Variants in C17orf50 observed in about 807,000 individuals in gnomAD.
The protein encoded by C17orf50 is uncharacterized protein C17orf50.
A neutral mutation model predicts 17.7 loss-of-function variants in C17orf50; 16 were observed. The ratio of observed to expected loss-of-function variants is 0.90; its 90% CI spans 0.61 to 1.37. C17orf50 has a LOEUF of 1.37. Among genes scored for constraint, C17orf50 ranks in the 40% most tolerant of loss-of-function variants. The probability of loss-of-function intolerance (pLI) is 0.00; values close to 1 mark genes in which losing one functional copy is unlikely to be tolerated. For synonymous variants in C17orf50, 125 were observed against 111.0 expected (o/e 1.13, Z -0.80); for missense variants, 271 against 240.7 (o/e 1.13, Z -0.83).
Position 35,760,958 on chromosome 17 carries a change from A to G in C17orf50, c.13+4A>G. The G allele has an allele frequency of 6.2e-7, 1 of 1,613,312 alleles. No individual in the cohort carries two copies. ...TTGGGAAGAATGGATAAGCATGGTGAGTGGGGCTGGAGGCAGGGTGGGGCT... is the reference window on the plus strand; with the variant it reads ...TTGGGAAGAATGGATAAGCATGGTGGGTGGGGCTGGAGGCAGGGTGGGGCT... On this transcript the variant is annotated splice_donor_region_variant and intron_variant, in intron 1 of 2. Transcript: ENST00000605587.
intron 2 of C17orf50, 46 bp from the exon 3 acceptor site, chr17:35,764,380 G>C (rs782498391): frequency 6.8e-7 from 1 of 1,466,102 alleles, no homozygotes; most frequent in Non-Finnish European, 9.0e-7. Context: ...GGGCCCCAGG[G>C]AGGAGGGGCT....
rs892978386 is a variant in C17orf50, at chr17:35,764,343, G to T, written c.332+18G>T. The T allele has an allele frequency of 1.2e-5, 17 of 1,461,284 alleles. No individual in the cohort carries two copies. The highest frequency in any genetic ancestry group is 1.5e-5 in the Non-Finnish European group (17 of 1,113,006). The allele number at this position is 1,461,284 out of a possible 1,614,324, so 90.5% of individuals were successfully genotyped here. ...ACCGACAGGTGCCTGCGCGCTCCTC[G>T]ACCGGGGCACGAGGGAGGCGGTGCC... On this transcript the variant is annotated intron_variant, in intron 2 of 2. Transcript: ENST00000605587.
At position 35,764,635 on chromosome 17, in the gene C17orf50, C is replaced by A. The variant is rs1198318363; in HGVS notation, c.*17C>A. The A allele has an allele frequency of 3.2e-6, 5 of 1,552,562 alleles. No individual in the cohort carries two copies. The highest frequency in any genetic ancestry group is 1.7e-6 in the Non-Finnish European group (2 of 1,158,806). ...AACTCCTGAGCGCCCCCGCTCCCAG[C>A]CTTTGTGCCCTCCATCATTTCCTGG... On this transcript the variant is annotated 3_prime_UTR_variant, in exon 3 of 3. Coordinates refer to ENST00000605587, the MANE Select transcript of C17orf50 (RefSeq NM_145272.4).
At position 35,764,491 on chromosome 17, in the gene C17orf50, G is replaced by A; in HGVS notation, c.398G>A (p.Gly133Asp). ...CGGCGACGACCGCCGCGCCGCGGGG[G>A]CTGTGCTTGCTGCGAGCTCCTCTTC... ...EIRRRPPRRG[G>D]CACCELLFCK... Residue 133 changes from glycine (G) to aspartate (D), a missense_variant, in exon 3 of 3, where the codon GGC becomes GAC. Physicochemically the swap from Gly to Asp is moderately conservative, Grantham distance 94 (BLOSUM62 -1). Coordinates refer to ENST00000605587, the MANE Select transcript of C17orf50 (RefSeq NM_145272.4). 1.3e-6 allele frequency: 2 copies of A among 1,578,904 alleles called. No individual in the cohort carries two copies. Among genetic ancestry groups the A allele is most frequent in the Admixed American group, 1.8e-5 (1 of 56,276 alleles).
At chr17:35,764,394 C>G (rs1555602272) in intron 2 of C17orf50, 32 bp from the exon 3 acceptor site, 1 of 1,502,446 alleles carries the variant, frequency 6.7e-7, no homozygotes, top group Admixed American at 2.2e-5. Context: ...AGGGGCTGCC[C>G]CAGGCACTGA....
intron 1 of C17orf50, among the ~76,000 whole-genome samples, chr17:35,762,865 T>C (rs587640373): frequency 3.9e-4 from 60 of 151,968 alleles, no homozygotes; most frequent in Admixed American, 1.6e-3. Flanking sequence ...GTGGCTCACG[T>C]CTGTAATCCT....
Position 35,764,271 on chromosome 17 carries a change from G to C in C17orf50, c.278G>C (p.Trp93Ser), listed in dbSNP as rs1555602207. The C allele has an allele frequency of 6.5e-7, 1 of 1,537,250 alleles. No individual in the cohort carries two copies. Among genetic ancestry groups the C allele is most frequent in the African/African-American group, 1.4e-5 (1 of 72,106 alleles). The change falls in exon 2 of 3, where the codon TGG becomes TCG. Residue 93 changes from tryptophan (W) to serine (S), a missense_variant. By Grantham distance (177) the Trp-to-Ser change is radical. Transcript: ENST00000605587. ...ALLRRADSGF[W>S]GWLGPLALLG... ...CTGCGGCGCGCGGACAGCGGCTTCT[G>C]GGGCTGGCTCGGCCCCTTAGCGCTG... is the stretch of plus-strand genomic sequence containing the variant.
chr17:35,764,694 C>G lies in C17orf50; in HGVS notation c.*76C>G. 6.9e-7 allele frequency: 1 copy of G among 1,442,790 alleles called. No individual in the cohort carries two copies. The highest frequency in any genetic ancestry group is 9.2e-7 in the Non-Finnish European group (1 of 1,090,180). The allele number at this position is 1,442,790 out of a possible 1,614,324, so 89.4% of individuals were successfully genotyped here. A position where few individuals can be genotyped will look rare whatever the true frequency, so the allele number is the denominator to read the frequency against. On this transcript the variant is annotated 3_prime_UTR_variant, in exon 3 of 3. Transcript: ENST00000605587. ...CCCCTACCGACCTTCTCTCTTGGAG[C>G]GCGGAGCCCTCTTCGACGCATTCCG...
At chr17:35,763,579 C>A (rs188506441) in intron 1 of C17orf50, among the ~76,000 whole-genome samples, 14 of 151,466 alleles carry the variant, frequency 9.2e-5, no homozygotes, top group Non-Finnish European at 1.6e-4. Flanking sequence ...AGCCACCATG[C>A]CTGGACTTAA....
chr17:35,763,593 A>T (rs1416478112), intron 1 of C17orf50, among the ~76,000 whole-genome samples: 4 of 151,006 alleles, frequency 2.6e-5, no homozygotes, highest in Non-Finnish European at 4.4e-5. Context: ...GACTTAAAAA[A>T]TTTTTTTGAA....
At chr17:35,763,549 G>A (rs1016878540) in intron 1 of C17orf50, among the ~76,000 whole-genome samples, 3 of 147,940 alleles carry the variant, frequency 2.0e-5, no homozygotes, top group Non-Finnish European at 4.4e-5. Flanking sequence ...ACCTCCCAAA[G>A]TGCTGAGATT....
chr17:35,763,220 A>G (rs1331485896), intron 1 of C17orf50, among the ~76,000 whole-genome samples: 1 of 152,032 alleles, frequency 6.6e-6, no homozygotes, highest in Non-Finnish European at 1.5e-5. Flanking sequence ...GGCTGCTTGA[A>G]GCCAGGAGTT....
chr17:35,764,502 T>C lies in C17orf50; in HGVS notation c.409T>C (p.Cys137Arg). ...RPPRRGGCAC[C>R]ELLFCKKCRS... ...GCCGCGCCGCGGGGGCTGTGCTTGC[T>C]GCGAGCTCCTCTTCTGCAAGAAATG... Residue 137 changes from cysteine to arginine, a missense_variant, in exon 3 of 3, where the codon TGC (cysteine) becomes CGC (arginine). Transcript: ENST00000605587. The C allele has an allele frequency of 6.3e-7, 1 of 1,588,974 alleles. No homozygotes were observed.
At chr17:35,763,437 GC>G (rs1427138372) in intron 1 of C17orf50, among the ~76,000 whole-genome samples, 1 of 125,866 alleles carries the variant, frequency 7.9e-6, no homozygotes, top group Non-Finnish European at 1.6e-5. Context: ...ACCATGCCCA[GC>G]TTTTTTTTTT....
intron 1 of C17orf50, among the ~76,000 whole-genome samples, chr17:35,762,928 C>T (rs1390637035): frequency 6.6e-6 from 1 of 152,082 alleles, no homozygotes; most frequent in African/African-American, 2.4e-5. Context: ...CGAGACCATC[C>T]TGGCAAACAT....
At chr17:35,763,905 T>A (rs2085876649) in intron 1 of C17orf50, 102 bp from the exon 2 acceptor site, 1 of 790,446 alleles carries the variant, frequency 1.3e-6, no homozygotes, top group Non-Finnish European at 1.7e-6. Context: ...TCAAAATAAA[T>A]AAATAAATAA....
chr17:35,761,064 A>T, intron 1 of C17orf50, 110 bp downstream of exon 1: 1 of 1,174,600 alleles, frequency 8.5e-7, no homozygotes, highest in East Asian at 2.7e-5. Context: ...TTACCCATCC[A>T]TGTAGCTGCA....
intron 1 of C17orf50, among the ~76,000 whole-genome samples, chr17:35,762,105 C>T (rs1212814266): frequency 6.6e-6 from 1 of 152,156 alleles, no homozygotes; most frequent in Admixed American, 6.5e-5. Context: ...ATTCTCCTGC[C>T]TCAGCCTCCT....
chr17:35,764,407 G>A lies in C17orf50; in HGVS notation c.333-19G>A, dbSNP rs1555602292. ...GGAGGGGCTGCCCCAGGCACTGAGCGCCTGGTCCCCGCCGGCAGGAAGCGG... is the reference window on the plus strand; with the variant it reads ...GGAGGGGCTGCCCCAGGCACTGAGCACCTGGTCCCCGCCGGCAGGAAGCGG... On this transcript the variant is annotated intron_variant, in intron 2 of 2. Transcript: ENST00000605587. 2 of 1,514,888 alleles carry A rather than the reference G, an allele frequency of 1.3e-6. No individual in the cohort carries two copies. The highest frequency in any genetic ancestry group is 1.8e-6 in the Non-Finnish European group (2 of 1,134,398). The allele number at this position is 1,514,888 out of a possible 1,614,324, so 93.8% of individuals were successfully genotyped here. A position where few individuals can be genotyped will look rare whatever the true frequency, so the allele number is the denominator to read the frequency against.
Sources: allele counts gnomAD v4.1 joint callset (sites outside exome capture counted in the v4.1 genomes callset), GRCh38; gene constraint gnomAD v4.1.1; transcripts MANE v1.5; gene names NCBI Gene and HGNC (gene_info 2026-07-23, HGNC 2026-07-21).